Variants in DAB1 observed in about 807,000 individuals in gnomAD.
The protein encoded by DAB1 is DAB adaptor protein 1, also known as disabled homolog 1.
In DAB1, 15 loss-of-function variants were observed where a neutral mutation model predicts 64.6. That is an observed-to-expected ratio of 0.23 (90% CI 0.16 to 0.36). DAB1 has a LOEUF of 0.36. Ranked by LOEUF, DAB1 falls within the 10% of genes least tolerant of loss-of-function variation. The pLI, the probability that DAB1 is intolerant of heterozygous loss-of-function variation, is 1.00. For synonymous variants in DAB1, 235 were observed against 251.9 expected (o/e 0.93, Z 0.64); for missense variants, 596 against 706.7 (o/e 0.84, Z 1.78).
At chr1:57,112,292 C>A (rs1655732315) in intron 4 of DAB1, among the ~76,000 whole-genome samples, 1 of 152,152 alleles carries the variant, frequency 6.6e-6, no homozygotes, top group South Asian at 2.1e-4. Context: ...TGCAGTTACT[C>A]CCACTGTGAA....
At chr1:58,192,528 G>T (rs1224579722) in intron 4 of DAB1, among the ~76,000 whole-genome samples, 1 of 152,018 alleles carries the variant, frequency 6.6e-6, no homozygotes. Flanking sequence ...TTGATTTTCT[G>T]TTCCTGAGTT....
At chr1:57,991,845 CAAAAAAAAAAAAA>C (rs56324635) in intron 5 of DAB1, among the ~76,000 whole-genome samples, 8 of 60,144 alleles carry the variant, frequency 1.3e-4, no homozygotes, top group Non-Finnish European at 1.9e-4. Context: ...GGCTCTGTCT[CAAAAAAAAAAAAA>C]AAAAAAAAAA....
intron 7 of DAB1, among the ~76,000 whole-genome samples, chr1:57,569,705 C>T (rs1404894580): frequency 1.3e-5 from 2 of 151,860 alleles, no homozygotes; most frequent in Non-Finnish European, 2.9e-5. Context: ...ATGTAACAAA[C>T]CTGCATGTTG....
chr1:58,242,401 C>T (rs1226681837), intron 4 of DAB1, among the ~76,000 whole-genome samples: 1 of 151,810 alleles, frequency 6.6e-6, no homozygotes, highest in Non-Finnish European at 1.5e-5. Context: ...AGTAGATATC[C>T]CGGATAAAAA....
chr1:57,226,199 T>C (rs568507902), intron 2 of DAB1, among the ~76,000 whole-genome samples: 1 of 152,346 alleles, frequency 6.6e-6, no homozygotes, highest in East Asian at 1.9e-4. Flanking sequence ...ATCTACATGA[T>C]GTAATCTCTT....
intron 5 of DAB1, among the ~76,000 whole-genome samples, chr1:58,133,945 G>T (rs1156775743): frequency 6.6e-6 from 1 of 152,034 alleles, no homozygotes; most frequent in African/African-American, 2.4e-5. Flanking sequence ...CACCCCCAAG[G>T]CACACAGGAC....
chr1:58,392,632 C>T (rs1644485376), intron 3 of DAB1, among the ~76,000 whole-genome samples: 1 of 152,212 alleles, frequency 6.6e-6, no homozygotes, highest in South Asian at 2.1e-4. Context: ...CTAAAGAAAG[C>T]TACCATCTCC....
At chr1:57,351,042 G>A (rs558687134) in intron 1 of DAB1, among the ~76,000 whole-genome samples, 7 of 152,276 alleles carry the variant, frequency 4.6e-5, no homozygotes, top group African/African-American at 7.2e-5. Flanking sequence ...GCCATGGGCT[G>A]GGCACTGTGC....
chr1:57,196,106 T>A (rs1337130567), intron 2 of DAB1, among the ~76,000 whole-genome samples: 1 of 152,176 alleles, frequency 6.6e-6, no homozygotes, highest in East Asian at 1.9e-4. Context: ...AAGTGATGGA[T>A]GTTTTGTAAC....
intron 6 of DAB1, among the ~76,000 whole-genome samples, chr1:57,717,284 A>C (rs185153806): frequency 1.3e-5 from 2 of 152,052 alleles, no homozygotes; most frequent in East Asian, 3.9e-4. Context: ...AAAGAAAGAA[A>C]GAAGACATAC....
intron 2 of DAB1, among the ~76,000 whole-genome samples, chr1:57,253,325 G>T (rs1669497157): frequency 6.6e-6 from 1 of 152,172 alleles, no homozygotes; most frequent in South Asian, 2.1e-4. Context: ...ATAGACCTGG[G>T]AGGGATCTAA....
rs139046217 is a variant in DAB1, at chr1:57,333,518, G to A, written c.-136-42352C>T. Among the ~76,000 whole-genome samples the A allele has an allele frequency of 9.2e-5, 14 of 152,292 alleles. No individual in the cohort carries two copies. The East Asian group carries it at 2.7e-3, about 29-fold the overall frequency. On this transcript the variant is annotated intron_variant, in intron 1 of 14. Coordinates refer to ENST00000371236, the MANE Select transcript of DAB1 (RefSeq NM_001365792.1). The stretch of plus-strand genomic sequence containing the variant: ...CTTCCTATTCTTATTTCTCCACCTC[G>A]CTTGCATTGCTTGCAATAGCACAGT...
intron 3 of DAB1, among the ~76,000 whole-genome samples, chr1:58,447,988 A>T (rs9782942): frequency 0.11 from 16,000 of 151,814 alleles, 1,749 homozygotes; most frequent in African/African-American, 0.28. Context: ...CCCCCGGGGG[A>T]ATGGCATGTC....
chr1:57,372,869 A>G (rs1680609315), intron 1 of DAB1, among the ~76,000 whole-genome samples: 1 of 152,096 alleles, frequency 6.6e-6, no homozygotes, highest in Non-Finnish European at 1.5e-5. Flanking sequence ...CTCTCCTTCC[A>G]TGTCTACCTT....
At chr1:57,356,348 T>C (rs573763679) in intron 1 of DAB1, among the ~76,000 whole-genome samples, 47 of 152,232 alleles carry the variant, frequency 3.1e-4, no homozygotes, top group African/African-American at 1.1e-3. Flanking sequence ...GTAAAATACC[T>C]ACTATAAGAG....
chr1:57,608,941 C>G (rs186502556), intron 7 of DAB1, among the ~76,000 whole-genome samples: 1 of 152,190 alleles, frequency 6.6e-6, no homozygotes, highest in South Asian at 2.1e-4. Context: ...TGAAGACATG[C>G]GGTATTGAGC....
chr1:56,998,748 C>T (rs771281993), intron 14 of DAB1, among the ~76,000 whole-genome samples: 24 of 152,208 alleles, frequency 1.6e-4, no homozygotes, highest in Middle Eastern at 3.2e-3. Flanking sequence ...GACTTGTTTC[C>T]ATTCAGTCTG....
At chr1:57,349,763 T>A (rs913958459) in intron 1 of DAB1, among the ~76,000 whole-genome samples, 4 of 152,046 alleles carry the variant, frequency 2.6e-5, no homozygotes, top group African/African-American at 9.7e-5. Context: ...GCGGGGGAAA[T>A]CAAAATAAAG....
intron 5 of DAB1, among the ~76,000 whole-genome samples, chr1:58,116,465 C>T (rs980857517): frequency 6.6e-6 from 1 of 152,204 alleles, no homozygotes; most frequent in Non-Finnish European, 1.5e-5. Context: ...GCAAATCCAT[C>T]CATATAGTGA....
Sources: gnomAD v4.1 joint callset for allele counts (sites outside exome capture counted in the v4.1 genomes callset) on GRCh38, gnomAD v4.1.1 for gene constraint, MANE v1.5 for transcripts, NCBI Gene and HGNC (gene_info 2026-07-23, HGNC 2026-07-21) for gene names.